Variants in MYRFL observed in about 807,000 individuals in gnomAD.
The protein encoded by MYRFL is myelin regulatory factor like.
MYRFL carries 88 observed loss-of-function variants against 109.4 expected under a neutral mutation model. The observed-to-expected ratio is 0.80, with a 90% confidence interval of 0.68 to 0.96. The LOEUF (loss-of-function observed/expected upper bound fraction) is 0.96, where lower values mean the gene tolerates loss of function less well. Ranked by LOEUF, MYRFL falls within the 40% of genes least tolerant of loss-of-function variation. The pLI is 0.00. For synonymous variants in MYRFL, 324 were observed against 320.9 expected, an observed-to-expected ratio of 1.01 and a Z score of -0.10; for missense variants, 957 against 954.9, an observed-to-expected ratio of 1.00 and a Z score of -0.03.
intron 1 of MYRFL, among the ~76,000 whole-genome samples, chr12:69,853,226 C>G (rs898269223): frequency 6.6e-6 from 1 of 151,346 alleles, no homozygotes; most frequent in African/African-American, 2.4e-5. Flanking sequence ...CCCCCTACCT[C>G]CCTCCCGGAC....
intron 10 of MYRFL, among the ~76,000 whole-genome samples, chr12:69,898,520 A>C (rs909397485): frequency 1.3e-5 from 2 of 152,170 alleles, no homozygotes; most frequent in Admixed American, 6.5e-5. Flanking sequence ...ATCCCTCTGC[A>C]GGGGCCAGGG....
chr12:69,957,947 T>A lies in MYRFL; in HGVS notation c.2571+5T>A. 1 of 1,529,618 alleles carries A rather than the reference T, an allele frequency of 6.5e-7. No homozygotes were observed. 94.8% of individuals were successfully genotyped at this position (1,529,618 alleles called of 1,614,324 possible). A position where few individuals can be genotyped will look rare whatever the true frequency, so the allele number is the denominator to read the frequency against. On this transcript the variant is annotated splice_donor_5th_base_variant and intron_variant, in intron 23 of 24. Transcript: ENST00000552032. Reference sequence around the variant, plus strand: ...ATCTCCCAGGAGATGACACAGGTAATGTTTTCTGCCTCCTCTCTTCCCCGC... The same window carrying A: ...ATCTCCCAGGAGATGACACAGGTAAAGTTTTCTGCCTCCTCTCTTCCCCGC...
In MYRFL at chr12:69,853,080, C is replaced by T. The variant is rs190430133; in HGVS notation, c.47-2200C>T. 7.1e-3 allele frequency among the ~76,000 whole-genome samples: 1,079 copies of T among 152,356 alleles called. 7 individuals are homozygous for T. The highest frequency in any genetic ancestry group is 9.3e-3 in the Non-Finnish European group (636 of 68,024). The stretch of plus-strand genomic sequence containing the variant: ...CAAAACCACCATCGTCATCATGGCC[C>T]GTTCTCAATGAGCTGTTGGGTACAC... On this transcript the variant is annotated intron_variant, in intron 1 of 24. Coordinates refer to ENST00000552032, the MANE Select transcript of MYRFL (RefSeq NM_182530.3).
intron 2 of MYRFL, among the ~76,000 whole-genome samples, chr12:69,861,658 A>T (rs1329084605): frequency 3.9e-5 from 6 of 152,198 alleles, no homozygotes; most frequent in Non-Finnish European, 8.8e-5. Context: ...GCCCTTTGTC[A>T]GATGAATAGG....
At chr12:69,863,472 G>T (rs1044098082) in intron 2 of MYRFL, among the ~76,000 whole-genome samples, 2 of 152,112 alleles carry the variant, frequency 1.3e-5, no homozygotes, top group South Asian at 4.1e-4. Flanking sequence ...GTGGTAACTC[G>T]AGGGACAACA....
At chr12:69,930,529 A>T (rs1471923668) in intron 15 of MYRFL, among the ~76,000 whole-genome samples, 2 of 152,150 alleles carry the variant, frequency 1.3e-5, no homozygotes, top group African/African-American at 4.8e-5. Context: ...AAGGGAAAGA[A>T]TGAAGACGGC....
At chr12:69,864,581 C>T (rs2136326291) in intron 2 of MYRFL, among the ~76,000 whole-genome samples, 1 of 151,338 alleles carries the variant, frequency 6.6e-6, no homozygotes, top group African/African-American at 2.4e-5. Context: ...CCAAGAGAAA[C>T]TTCCTTGGCA....
intron 2 of MYRFL, among the ~76,000 whole-genome samples, chr12:69,861,483 C>T (rs1003624202): frequency 4.8e-4 from 73 of 152,256 alleles, no homozygotes; most frequent in African/African-American, 1.1e-3. Flanking sequence ...TTGATTTGCA[C>T]TTCTCTGATG....
chr12:69,956,818 G>A (rs774185328), intron 22 of MYRFL, among the ~76,000 whole-genome samples: 6 of 152,048 alleles, frequency 3.9e-5, no homozygotes, highest in African/African-American at 7.2e-5. Flanking sequence ...CATATTTCAA[G>A]GCAGAGCAAA....
chr12:69,843,583 A>G (rs914370642), intron 1 of MYRFL, among the ~76,000 whole-genome samples: 2 of 152,210 alleles, frequency 1.3e-5, no homozygotes, highest in African/African-American at 4.8e-5. Context: ...TTCCCTGCTC[A>G]CGCCCTTGGA....
intron 13 of MYRFL, 77 bp downstream of exon 13, chr12:69,911,007 C>G: frequency 4.3e-6 from 4 of 929,786 alleles, no homozygotes; most frequent in Non-Finnish European, 6.4e-6. Flanking sequence ...GCACAATGGG[C>G]TGAAACATCC....
intron 19 of MYRFL, among the ~76,000 whole-genome samples, chr12:69,939,621 T>G (rs574526842): frequency 0.035 from 5,277 of 152,110 alleles, 311 homozygotes; most frequent in African/African-American, 0.12. Context: ...CTGGAAACTC[T>G]AAAAATCAGA....
chr12:69,939,019 C>T (rs1955555250), intron 19 of MYRFL, among the ~76,000 whole-genome samples: 4 of 152,212 alleles, frequency 2.6e-5, no homozygotes, highest in Admixed American at 1.3e-4. Flanking sequence ...AGATTATATC[C>T]CGCACCTGGC....
intron 19 of MYRFL, among the ~76,000 whole-genome samples, chr12:69,939,097 C>A (rs1002433570): frequency 2.0e-5 from 3 of 152,184 alleles, no homozygotes; most frequent in East Asian, 1.9e-4. Context: ...AACTGCAAGG[C>A]GGCAGCGAGG....
chr12:69,917,017 C>T (rs529265542), intron 13 of MYRFL, among the ~76,000 whole-genome samples: 1 of 152,208 alleles, frequency 6.6e-6, no homozygotes, highest in Admixed American at 6.5e-5. Context: ...TTCCCCAGCC[C>T]CTCCCTCTCT....
Position 69,908,437 on chromosome 12 carries a change from G to A in MYRFL, c.1384-1532G>A, listed in dbSNP as rs190184733. On this transcript the variant is annotated intron_variant, in intron 11 of 24. Transcript: ENST00000552032. ...AAACAATGCTTACATTGGTGAAGGG[G>A]AAGGCAGGGGAATGGGAAGGAAGAG... Among the ~76,000 whole-genome samples, 6 of 152,320 alleles carry A rather than the reference G, an allele frequency of 3.9e-5. No homozygotes were observed. In the East Asian group the frequency reaches 1.2e-3, roughly 29 times the overall value.
intron 2 of MYRFL, among the ~76,000 whole-genome samples, chr12:69,858,660 T>G (rs138165450): frequency 2.8e-4 from 43 of 152,070 alleles, no homozygotes; most frequent in African/African-American, 8.7e-4. Context: ...TTTATTAACC[T>G]TTTAATCTCT....
At position 69,932,585 on chromosome 12, in the gene MYRFL, G is replaced by A; in HGVS notation, c.1903G>A (p.Val635Met). 1 of 1,535,734 alleles carries A rather than the reference G, an allele frequency of 6.5e-7. No individual in the cohort carries two copies. The highest frequency in any genetic ancestry group is 8.7e-7 in the Non-Finnish European group (1 of 1,146,574). Reference sequence around the variant, plus strand: ...GACCTTGGTTATAACTCTGATTGCTGTGATGGCATTTTGGTAAGAAAAAGT... The same window carrying A: ...GACCTTGGTTATAACTCTGATTGCTATGATGGCATTTTGGTAAGAAAAAGT... Reference protein sequence around the residue: ...FQTLVITLIAVMAFCALTIVA... With the variant: ...FQTLVITLIAMMAFCALTIVA... Residue 635 changes from valine to methionine, a missense_variant, in exon 16 of 25, where the codon GTG (valine) becomes ATG (methionine). Transcript: ENST00000552032.
intron 2 of MYRFL, among the ~76,000 whole-genome samples, chr12:69,858,787 G>C (rs896435807): frequency 6.6e-6 from 1 of 151,462 alleles, no homozygotes; most frequent in Non-Finnish European, 1.5e-5. Context: ...ATTCAAATAG[G>C]TAGCTTTTGA....
Sources: gnomAD v4.1 joint callset for allele counts (sites outside exome capture counted in the v4.1 genomes callset) on GRCh38, gnomAD v4.1.1 for gene constraint, MANE v1.5 for transcripts, NCBI Gene and HGNC (gene_info 2026-07-23, HGNC 2026-07-21) for gene names.